UTRN: variants seen among roughly 807,000 people sequenced by gnomAD.
UTRN encodes utrophin, also known as dystrophin-related protein 1.
Under a neutral mutation model 463.9 loss-of-function variants are expected in UTRN, and 283 were observed. The ratio of observed to expected loss-of-function variants is 0.61; its 90% CI spans 0.55 to 0.67. The LOEUF is 0.67. UTRN is among the 30% of genes least tolerant of loss of function. UTRN has a pLI of 0.00. For synonymous variants in UTRN, 1,442 were observed against 1,431.5 expected (o/e 1.01, Z -0.17); for missense variants, 3,922 against 4,084.3 (o/e 0.96, Z 1.08).
intron 64 of UTRN, chr6:144,799,614 TGTA>T: frequency 7.2e-6 from 3 of 417,588 alleles, no homozygotes; most frequent in South Asian, 3.7e-5. Context: ...AAATGAGAGA[TGTA>T]GTCATCAAAG....
chr6:144,502,968 T>C (rs1345579241), intron 34 of UTRN, among the ~76,000 whole-genome samples: 2 of 152,332 alleles, frequency 1.3e-5, no homozygotes, highest in East Asian at 1.9e-4. Context: ...TGGTATCTCA[T>C]TGTAGTTTTG....
intron 2 of UTRN, among the ~76,000 whole-genome samples, chr6:144,318,487 C>T (rs909904389): frequency 2.6e-5 from 4 of 151,254 alleles, no homozygotes; most frequent in Middle Eastern, 3.4e-3. Flanking sequence ...TTTTTGAGAC[C>T]GAGTTTCGCT....
At chr6:144,684,570 G>A (rs1421734851) in intron 52 of UTRN, among the ~76,000 whole-genome samples, 1 of 152,120 alleles carries the variant, frequency 6.6e-6, no homozygotes, top group Non-Finnish European at 1.5e-5. Flanking sequence ...GGAGATCAAG[G>A]GCAGACTGTT....
chr6:144,642,153 T>C (rs1190164994), intron 51 of UTRN, among the ~76,000 whole-genome samples: 1 of 152,230 alleles, frequency 6.6e-6, no homozygotes. Context: ...CTTCTCTTTT[T>C]ATTATGGCTA....
At chr6:144,797,705 G>C (rs952388517) in intron 63 of UTRN, 119 bp from the exon 64 acceptor site, 28 of 989,948 alleles carry the variant, frequency 2.8e-5, no homozygotes, top group Non-Finnish European at 4.0e-5. Flanking sequence ...AACTGACATG[G>C]AAAGAGTTAT....
intron 53 of UTRN, among the ~76,000 whole-genome samples, chr6:144,704,582 A>G (rs1784889600): frequency 6.6e-6 from 1 of 152,308 alleles, no homozygotes; most frequent in African/African-American, 2.4e-5. Flanking sequence ...GGTAGCCATC[A>G]TGTATTAATA....
chr6:144,799,617 A>C (rs1777543519), intron 64 of UTRN: 10 of 414,556 alleles, frequency 2.4e-5, no homozygotes, highest in Admixed American at 2.1e-4. Flanking sequence ...TGAGAGATGT[A>C]GTCATCAAAG....
At chr6:144,680,986 C>G (rs1782139785) in intron 52 of UTRN, among the ~76,000 whole-genome samples, 1 of 152,130 alleles carries the variant, frequency 6.6e-6, no homozygotes, top group African/African-American at 2.4e-5. Context: ...GAATTGGGAG[C>G]CTTTTGAGTA....
At chr6:144,704,458 C>G (rs1032797446) in intron 53 of UTRN, among the ~76,000 whole-genome samples, 1 of 152,194 alleles carries the variant, frequency 6.6e-6, no homozygotes, top group Non-Finnish European at 1.5e-5. Flanking sequence ...CTCCAGTTAT[C>G]TGCTTCCTCT....
At chr6:144,499,485 C>G in intron 34 of UTRN, 58 bp downstream of exon 34, 1 of 1,468,154 alleles carries the variant, frequency 6.8e-7, no homozygotes, top group African/African-American at 1.4e-5. Flanking sequence ...GGCATTTGTT[C>G]GGGCGACCTG....
chr6:144,735,837 G>C (rs748285015), intron 54 of UTRN, among the ~76,000 whole-genome samples: 1 of 151,806 alleles, frequency 6.6e-6, no homozygotes, highest in Non-Finnish European at 1.5e-5. Context: ...CTAGTCATGC[G>C]TCATTCATAG....
intron 56 of UTRN, 57 bp downstream of exon 56, chr6:144,752,009 C>G: frequency 1.4e-6 from 2 of 1,480,276 alleles, no homozygotes; most frequent in Non-Finnish European, 1.8e-6. Flanking sequence ...TCTTTAAACC[C>G]TACCTCACTA....
At chr6:144,326,168 G>T (rs1248250118) in intron 2 of UTRN, among the ~76,000 whole-genome samples, 1 of 151,970 alleles carries the variant, frequency 6.6e-6, no homozygotes, top group Non-Finnish European at 1.5e-5. Context: ...TTATTACTTG[G>T]ATAAAAATTG....
intron 53 of UTRN, among the ~76,000 whole-genome samples, chr6:144,701,140 C>T (rs755676508): frequency 5.3e-5 from 8 of 152,142 alleles, no homozygotes; most frequent in Non-Finnish European, 1.2e-4. Context: ...CTCCTGACCT[C>T]AGGTGATCTG....
At chr6:144,731,930 C>T (rs9321989) in intron 54 of UTRN, among the ~76,000 whole-genome samples, 336 of 151,836 alleles carry the variant, frequency 2.2e-3, no homozygotes, top group African/African-American at 7.8e-3. Flanking sequence ...GGTGCGATCT[C>T]GGCTCACTGC....
chr6:144,628,345 A>G (rs943920532), intron 51 of UTRN, among the ~76,000 whole-genome samples: 1 of 152,100 alleles, frequency 6.6e-6, no homozygotes, highest in South Asian at 2.1e-4. Context: ...TCCTTTGAAA[A>G]ATCTGTATGA....
At chr6:144,328,245 A>G (rs1048554567) in intron 2 of UTRN, among the ~76,000 whole-genome samples, 2 of 151,984 alleles carry the variant, frequency 1.3e-5, no homozygotes, top group Admixed American at 6.6e-5. Context: ...AGATATGCGT[A>G]GTGCATACAC....
At chr6:144,514,606 T>C in intron 36 of UTRN, 44 bp from the exon 37 acceptor site, 6 of 1,596,878 alleles carry the variant, frequency 3.8e-6, no homozygotes, top group Non-Finnish European at 5.1e-6. Flanking sequence ...CATGTTTGGG[T>C]TTGATTTTTC....
chr6:144,730,352 GA>G lies in UTRN; in HGVS notation c.7810-2del. 2 of 1,569,234 alleles carry G rather than the reference GA, an allele frequency of 1.3e-6. No individual in the cohort carries two copies. The highest frequency in any genetic ancestry group is 1.2e-5 in the South Asian group (1 of 83,940). On this transcript the variant is annotated splice_region_variant and splice_polypyrimidine_tract_variant and intron_variant, in intron 53 of 74. Transcript: ENST00000367545. ...CAAACTCAACTTTTGCTTCTCTTTTGAAAGGCCCTGAGACGGGAGTTAAAGG... is the reference window on the plus strand; with the variant it reads ...CAAACTCAACTTTTGCTTCTCTTTTGAAGGCCCTGAGACGGGAGTTAAAGG...
Sources: allele counts gnomAD v4.1 joint callset (sites outside exome capture counted in the v4.1 genomes callset), GRCh38; gene constraint gnomAD v4.1.1; transcripts MANE v1.5; gene names NCBI Gene and HGNC (gene_info 2026-07-23, HGNC 2026-07-21).